The following PANX1 variants were observed in gnomAD, a reference collection of about 807,000 sequenced individuals.
PANX1 encodes pannexin-1.
Under a neutral mutation model 38.7 loss-of-function variants are expected in PANX1, and 30 were observed. That is an observed-to-expected ratio of 0.78 (90% confidence interval 0.58 to 1.05). The LOEUF (loss-of-function observed/expected upper bound fraction) is 1.05, where lower values mean the gene tolerates loss of function less well. Among genes scored for constraint, PANX1 ranks in the 50% least tolerant of loss-of-function variants. The probability of loss-of-function intolerance (pLI) is 0.00; values close to 1 mark genes in which losing one functional copy is unlikely to be tolerated. For synonymous variants in PANX1, 230 were observed against 212.2 expected (o/e 1.08, Z -0.73); for missense variants, 551 against 517.2 (o/e 1.07, Z -0.63).
Position 94,181,948 on chromosome 11 carries a change from A to T in PANX1, c.*1079A>T, listed in dbSNP as rs1947309832. 6.6e-6 allele frequency: 1 copy of T among 152,252 alleles called. No homozygotes were observed. The highest frequency in any genetic ancestry group is 6.5e-5 in the Admixed American group (1 of 15,286). 9.4% of individuals were successfully genotyped at this position (152,252 alleles called of 1,614,324 possible). ...ACTGGTGGAGAATTATAGAATAAAGATTATAAATGGTTGGATAAGACAAAT... is the reference window on the plus strand; with the variant it reads ...ACTGGTGGAGAATTATAGAATAAAGTTTATAAATGGTTGGATAAGACAAAT... On this transcript the variant is annotated 3_prime_UTR_variant, in exon 5 of 5. Transcript: ENST00000227638.
At chr11:94,130,366 G>C (rs917468081) in intron 1 of PANX1, among the ~76,000 whole-genome samples, 22 of 152,136 alleles carry the variant, frequency 1.4e-4, no homozygotes, top group African/African-American at 5.3e-4. Flanking sequence ...TTTTGAGATG[G>C]CAGAGAATGT....
In PANX1 at chr11:94,181,098, G is replaced by GT; in HGVS notation, c.*230dup. On this transcript the variant is annotated 3_prime_UTR_variant, in exon 5 of 5. Coordinates refer to ENST00000227638, the MANE Select transcript of PANX1 (RefSeq NM_015368.4). ...CCTGAGAGATAGTAAACTGCAGCAA[G>GT]TAACTATGTGTAAGTCCTCATCAAA... 1.9e-6 allele frequency: 1 copy of GT among 521,524 alleles called. No homozygotes were observed. The highest frequency in any genetic ancestry group is 3.5e-6 in the Non-Finnish European group (1 of 289,084). The allele number at this position is 521,524 out of a possible 1,614,324, so 32.3% of individuals were successfully genotyped here.
At chr11:94,168,057 G>GTGAA (rs1328833231) in intron 2 of PANX1, among the ~76,000 whole-genome samples, 1 of 152,196 alleles carries the variant, frequency 6.6e-6, no homozygotes, top group African/African-American at 2.4e-5. Flanking sequence ...GTGGTGAAGA[G>GTGAA]TGAATGGGAG....
chr11:94,139,994 T>A (rs1412646567), intron 1 of PANX1, among the ~76,000 whole-genome samples: 1 of 152,238 alleles, frequency 6.6e-6, no homozygotes, highest in Non-Finnish European at 1.5e-5. Flanking sequence ...AGCTGGTTGG[T>A]CAGAAGTTCT....
intron 3 of PANX1, among the ~76,000 whole-genome samples, chr11:94,178,833 G>A (rs963498582): frequency 6.6e-6 from 1 of 152,122 alleles, no homozygotes; most frequent in Admixed American, 6.5e-5. Flanking sequence ...CTTGATGAGT[G>A]AAACATTACA....
At chr11:94,170,659 C>T (rs746841008) in intron 2 of PANX1, among the ~76,000 whole-genome samples, 1 of 151,812 alleles carries the variant, frequency 6.6e-6, no homozygotes, top group Non-Finnish European at 1.5e-5. Flanking sequence ...AGGGTCCTCT[C>T]ATTCAGGCTC....
At chr11:94,154,136 T>G (rs1175841253) in intron 2 of PANX1, among the ~76,000 whole-genome samples, 1 of 152,156 alleles carries the variant, frequency 6.6e-6, no homozygotes, top group African/African-American at 2.4e-5. Context: ...TCTGGGGGTG[T>G]TGGCTGTAGC....
intron 1 of PANX1, among the ~76,000 whole-genome samples, chr11:94,136,951 G>C (rs1397524337): frequency 6.6e-6 from 1 of 152,058 alleles, no homozygotes; most frequent in African/African-American, 2.4e-5. Context: ...CACAGTCATG[G>C]CGGAAGGCAA....
chr11:94,173,874 A>G (rs1270766019), intron 2 of PANX1, among the ~76,000 whole-genome samples: 1 of 151,770 alleles, frequency 6.6e-6, no homozygotes, highest in Non-Finnish European at 1.5e-5. Flanking sequence ...GCTATAACAA[A>G]TTACAACAGA....
Position 94,145,438 on chromosome 11 carries a change from G to A in PANX1, c.182-8053G>A, listed in dbSNP as rs552922762. On this transcript the variant is annotated intron_variant, in intron 1 of 4. Transcript: ENST00000227638. Reference sequence around the variant, plus strand: ...TTATTTTCGTGGCTTTGCAGAACACGTTTGTGAACATATCAATAGTTGTAT... The same window carrying A: ...TTATTTTCGTGGCTTTGCAGAACACATTTGTGAACATATCAATAGTTGTAT... Among the ~76,000 whole-genome samples, 9 of 152,294 alleles carry A rather than the reference G, an allele frequency of 5.9e-5. 1 individual carries two copies. The South Asian group carries it at 8.3e-4, about 14-fold the overall frequency.
chr11:94,180,350 A>G, intron 4 of PANX1, 93 bp downstream of exon 4: 1 of 1,087,782 alleles, frequency 9.2e-7, no homozygotes, highest in Non-Finnish European at 1.3e-6. Flanking sequence ...CCTGCCCATC[A>G]TTTAAACCAT....
chr11:94,142,302 G>T (rs1946771902), intron 1 of PANX1, among the ~76,000 whole-genome samples: 1 of 152,140 alleles, frequency 6.6e-6, no homozygotes, highest in Admixed American at 6.5e-5. Context: ...TGGTCATTAG[G>T]AACATGGGTG....
intron 3 of PANX1, 122 bp from the exon 4 acceptor site, chr11:94,179,477 CGTT>C: frequency 3.2e-6 from 2 of 630,172 alleles, no homozygotes; most frequent in South Asian, 2.0e-5. Flanking sequence ...TGACTACTGA[CGTT>C]GTAGGTAAAG....
rs767733137 is a variant in PANX1 at position 94,153,532 on chromosome 11, C to T, written c.223C>T (p.Arg75Cys). The change falls in exon 2 of 5, where the codon CGT (arginine) becomes TGT (cysteine). Residue 75 changes from arginine to cysteine, a missense_variant. Arg to Cys is a radical substitution (Grantham distance 180). Coordinates refer to ENST00000227638, the MANE Select transcript of PANX1 (RefSeq NM_015368.4). ...SCFSPSSFSW[R>C]QAAFVDSYCW... ...TTTCTCTCCAAGTTCTTTCTCCTGG[C>T]GTCAGGCTGCCTTTGTGGATTCATA... 2 of 1,614,098 alleles carry T rather than the reference C, an allele frequency of 1.2e-6. No individual in the cohort carries two copies. Among genetic ancestry groups the T allele is most frequent in the South Asian group, 2.2e-5 (2 of 91,072 alleles).
intron 1 of PANX1, among the ~76,000 whole-genome samples, chr11:94,131,557 G>A (rs1946629776): frequency 1.3e-5 from 2 of 152,208 alleles, no homozygotes; most frequent in South Asian, 4.1e-4. Context: ...CAGGTGTTGA[G>A]CTATGAGCTC....
rs75921311 is a variant in PANX1 at position 94,132,551 on chromosome 11, A to G, written c.181+3058A>G. Among the ~76,000 whole-genome samples, 478 of 152,318 alleles carry G rather than the reference A, an allele frequency of 3.1e-3. 7 individuals are homozygous for G. Among genetic ancestry groups the G allele is most frequent in the African/African-American group, 0.01 (434 of 41,566 alleles). Reference sequence around the variant, plus strand: ...CAAAGTAAGGGTCCAGGGGCTCCACATGAAAGAAGGCATAGCAAATCCCAT... The same window carrying G: ...CAAAGTAAGGGTCCAGGGGCTCCACGTGAAAGAAGGCATAGCAAATCCCAT... On this transcript the variant is annotated intron_variant, in intron 1 of 4. Coordinates refer to ENST00000227638, the MANE Select transcript of PANX1 (RefSeq NM_015368.4).
At chr11:94,172,814 G>A (rs759350652) in intron 2 of PANX1, among the ~76,000 whole-genome samples, 2 of 151,700 alleles carry the variant, frequency 1.3e-5, no homozygotes, top group Non-Finnish European at 1.5e-5. Context: ...TGGGAAGGCT[G>A]CTCCTTGTCA....
intron 3 of PANX1, 72 bp downstream of exon 3, chr11:94,178,664 G>A (rs72972543): frequency 0.025 from 30,451 of 1,196,794 alleles, 529 homozygotes; most frequent in Non-Finnish European, 0.031. Context: ...TGCCAGTCTG[G>A]GCCCAGAGTT....
At chr11:94,144,384 G>GT (rs1555072681) in intron 1 of PANX1, among the ~76,000 whole-genome samples, 19 of 151,986 alleles carry the variant, frequency 1.3e-4, no homozygotes, top group Non-Finnish European at 4.4e-5. Context: ...TGATGATGTC[G>GT]TTTTTTTGAT....
Sources: allele counts gnomAD v4.1 joint callset (sites outside exome capture counted in the v4.1 genomes callset), GRCh38; gene constraint gnomAD v4.1.1; transcripts MANE v1.5; gene names NCBI Gene and HGNC (gene_info 2026-07-23, HGNC 2026-07-21).